The following FNBP1 variants were observed in gnomAD, a reference collection of about 807,000 sequenced individuals.
FNBP1 encodes formin-binding protein 1.
A neutral mutation model predicts 90.6 loss-of-function variants in FNBP1; 26 were observed. That is an observed-to-expected ratio of 0.29 (90% CI 0.21 to 0.40). The LOEUF (loss-of-function observed/expected upper bound fraction) is 0.40. Among genes scored for constraint, FNBP1 ranks in the 10% least tolerant of loss-of-function variants. FNBP1 has a pLI of 1.00. For missense variants in FNBP1, 635 were observed against 768.0 expected (o/e 0.83, Z 2.05); for synonymous variants, 260 against 265.2 (o/e 0.98, Z 0.19).
At chr9:129,984,859 GTGCCTTT>G (rs910016561) in intron 2 of FNBP1, among the ~76,000 whole-genome samples, 12 of 152,058 alleles carry the variant, frequency 7.9e-5, no homozygotes, top group African/African-American at 2.9e-4. Context: ...CATGTAAGAA[GTGCCTTT>G]CACCCCCAGC....
chr9:129,980,632 A>G (rs1253015214), intron 2 of FNBP1, among the ~76,000 whole-genome samples: 1 of 148,252 alleles, frequency 6.7e-6, no homozygotes, highest in Non-Finnish European at 1.5e-5. Context: ...TTTTCTTTAT[A>G]TTCACAAATA....
In FNBP1 at chr9:129,924,954, CA is replaced by C. The variant is rs747864281; in HGVS notation, c.987+5del. ...AGAAAACTCATTTCACGCCAACCAT[CA>C]GTACCTTATTTTTTTTGATGAACGG... On this transcript the variant is annotated splice_donor_5th_base_variant and intron_variant, in intron 9 of 16. Coordinates refer to ENST00000446176, the MANE Select transcript of FNBP1 (RefSeq NM_015033.3). 1 of 1,608,354 alleles carries C rather than the reference CA, an allele frequency of 6.2e-7. No homozygotes were observed. The highest frequency in any genetic ancestry group is 1.1e-5 in the South Asian group (1 of 90,456).
At chr9:130,052,431 T>TA in the FNBP1 span, among the ~76,000 whole-genome samples, 14 of 152,226 alleles carry the variant, frequency 9.2e-5, no homozygotes, top group East Asian at 2.7e-3. Context: ...TTAAGATTCT[T>TA]ACCTGATTTT....
At position 129,956,977 on chromosome 9, in the gene FNBP1, G is replaced by C. The variant is rs537933907; in HGVS notation, c.513+383C>G. On this transcript the variant is annotated intron_variant, in intron 6 of 16. Coordinates refer to ENST00000446176, the MANE Select transcript of FNBP1 (RefSeq NM_015033.3). Reference sequence around the variant, plus strand: ...TGGCTACATTAGAAATGAGAACTTGGGGATGGGTGGTCGGTGATGAACACT... The same window carrying C: ...TGGCTACATTAGAAATGAGAACTTGCGGATGGGTGGTCGGTGATGAACACT... Among the ~76,000 whole-genome samples the C allele has an allele frequency of 2.6e-5, 4 of 151,792 alleles. No homozygotes were observed. In the South Asian group the frequency reaches 8.4e-4, roughly 32 times the overall value.
chr9:129,942,404 C>T (rs1393845525), intron 6 of FNBP1, among the ~76,000 whole-genome samples: 2 of 152,164 alleles, frequency 1.3e-5, no homozygotes, highest in Non-Finnish European at 2.9e-5. Flanking sequence ...TAGGCCAGTA[C>T]AACCCCCACC....
At chr9:129,970,778 G>A (rs2049328289) in intron 4 of FNBP1, among the ~76,000 whole-genome samples, 1 of 152,148 alleles carries the variant, frequency 6.6e-6, no homozygotes, top group South Asian at 2.1e-4. Context: ...GACTGCTCAT[G>A]TTTTCCTAAA....
chr9:129,996,159 T>C (rs1332615068), intron 1 of FNBP1, among the ~76,000 whole-genome samples: 1 of 152,074 alleles, frequency 6.6e-6, no homozygotes, highest in Non-Finnish European at 1.5e-5. Flanking sequence ...TTTTGACATG[T>C]TGAATGAGGG....
chr9:129,889,386 A>G lies in FNBP1; in HGVS notation c.*1153T>C, dbSNP rs1588306831. ...GGAGTTTGAGACCAGCCTGACCAAC[A>G]CGGTGAAACCCTGTCTCTACTAAAA... On this transcript the variant is annotated 3_prime_UTR_variant, in exon 17 of 17. Coordinates refer to ENST00000446176, the MANE Select transcript of FNBP1 (RefSeq NM_015033.3). 1.1e-5 allele frequency: 2 copies of G among 179,966 alleles called. No individual in the cohort carries two copies. 11.1% of individuals were successfully genotyped at this position (179,966 alleles called of 1,614,324 possible).
In FNBP1 at chr9:129,957,438, G is replaced by T; in HGVS notation, c.435C>A (p.Cys145Ter). The T allele has an allele frequency of 6.2e-7, 1 of 1,613,498 alleles. No individual in the cohort carries two copies. ...ACTGCTGCGCCCTGTCCGCCTCTTT[G>T]CAATCGCGTTCAAATCGCCTTTTAC... ...ESSKRRFERD[C>*]KEADRAQQYF... Residue 145 changes from cysteine to a stop codon, truncating the protein, a stop_gained, in exon 6 of 17, where the codon TGC becomes TGA. Transcript: ENST00000446176. LOFTEE classifies it high-confidence loss of function. This position sits in a 1 kb window ranked among gnomAD's most constrained non-coding sequence, Gnocchi z 4.3.
In FNBP1 at chr9:130,021,742, C is replaced by T. The variant is rs115438260; in HGVS notation, c.24+21210G>A. Among the ~76,000 whole-genome samples the T allele has an allele frequency of 4.9e-3, 749 of 152,236 alleles. 3 individuals carry two copies. Among genetic ancestry groups the T allele is most frequent in the African/African-American group, 0.017 (703 of 41,532 alleles). ...AGAAAATTTATAGATCCCGCTGAACCGTTAAAGATCAATTGTTTTATACAG... is the reference window on the plus strand; with the variant it reads ...AGAAAATTTATAGATCCCGCTGAACTGTTAAAGATCAATTGTTTTATACAG... On this transcript the variant is annotated intron_variant, in intron 1 of 16. Transcript: ENST00000446176.
At chr9:129,972,019 A>C (rs1437046311) in intron 4 of FNBP1, among the ~76,000 whole-genome samples, 2 of 152,236 alleles carry the variant, frequency 1.3e-5, no homozygotes, top group African/African-American at 2.4e-5. Context: ...CTGATGGTTA[A>C]GGATGGTACT....
chr9:129,926,338 C>T (rs1237426746), intron 8 of FNBP1, among the ~76,000 whole-genome samples: 1 of 152,088 alleles, frequency 6.6e-6, no homozygotes, highest in Non-Finnish European at 1.5e-5. Context: ...TGCTGGTGTT[C>T]TAGTTTATAT....
At chr9:130,009,978 C>CAAAA (rs68122821) in intron 1 of FNBP1, among the ~76,000 whole-genome samples, 2 of 69,930 alleles carry the variant, frequency 2.9e-5, no homozygotes, top group East Asian at 5.3e-4. Flanking sequence ...GACCCAGTCT[C>CAAAA]AAAAAAAAAA....
At chr9:130,040,626 G>GAA (rs3055737) in intron 1 of FNBP1, among the ~76,000 whole-genome samples, 122,113 of 139,056 alleles carry the variant, frequency 0.88, 54,228 homozygotes, top group East Asian at 0.96. Flanking sequence ...CTCCGTCTCA[G>GAA]AAAAAAAAAA....
intron 4 of FNBP1, among the ~76,000 whole-genome samples, chr9:129,970,432 G>A (rs1362993932): frequency 6.6e-6 from 1 of 151,252 alleles, no homozygotes; most frequent in Non-Finnish European, 1.5e-5. Flanking sequence ...TCTCAAACTC[G>A]CCACCTCAAG....
chr9:129,935,520 C>A (rs1264155057), intron 6 of FNBP1, among the ~76,000 whole-genome samples: 2 of 151,692 alleles, frequency 1.3e-5, no homozygotes, highest in Admixed American at 1.3e-4. Context: ...TGGAGTCTCA[C>A]TCTGTTGCCC....
intron 1 of FNBP1, among the ~76,000 whole-genome samples, chr9:130,001,436 T>C (rs1159901055): frequency 6.6e-6 from 1 of 152,198 alleles, no homozygotes; most frequent in Non-Finnish European, 1.5e-5. Flanking sequence ...ACCATTTCCT[T>C]TGTAACGTTG....
At position 130,031,310 on chromosome 9, in the gene FNBP1, G is replaced by A. The variant is rs140046883; in HGVS notation, c.24+11642C>T. Among the ~76,000 whole-genome samples the A allele has an allele frequency of 0.011, 1,701 of 152,306 alleles. 21 individuals carry two copies. Among genetic ancestry groups the A allele is most frequent in the Middle Eastern group, 0.054 (16 of 294 alleles). ...CTGAAAACTGGCACCATAGGTACCT[G>A]CTTTCAGCAGTTCAAGGGTATTTCC... On this transcript the variant is annotated intron_variant, in intron 1 of 16. Coordinates refer to ENST00000446176, the MANE Select transcript of FNBP1 (RefSeq NM_015033.3). This position sits in a 1 kb window ranked among gnomAD's most constrained non-coding sequence, Gnocchi z 4.2.
upstream of FNBP1, among the ~76,000 whole-genome samples, chr9:130,046,580 C>CAAAAAAAGA (rs2060060984): frequency 1.5e-5 from 1 of 66,790 alleles, no homozygotes. Context: ...ACTAAAAATA[C>CAAAAAAAGA]AAAAAAAAAA....
Sources: allele counts gnomAD v4.1 joint callset (sites outside exome capture counted in the v4.1 genomes callset), GRCh38; gene constraint gnomAD v4.1.1; non-coding constraint Gnocchi (gnomAD v3.1); transcripts MANE v1.5; gene names NCBI Gene and HGNC (gene_info 2026-07-23, HGNC 2026-07-21).